PRKCI: variants seen among roughly 807,000 people sequenced by gnomAD.
PRKCI encodes protein kinase C iota.
A neutral mutation model predicts 84.0 loss-of-function variants in PRKCI; 43 were observed. The ratio of observed to expected loss-of-function variants is 0.51; its 90% CI spans 0.40 to 0.66. PRKCI has a LOEUF of 0.66. PRKCI is among the 30% of genes least tolerant of loss of function. PRKCI has a pLI of 0.00. For missense variants in PRKCI, 459 were observed against 745.6 expected, an observed-to-expected ratio of 0.62 and a Z score of 4.48; for synonymous variants, 216 against 234.4, an observed-to-expected ratio of 0.92 and a Z score of 0.72.
intron 1 of PRKCI, 134 bp from the exon 2 acceptor site, chr3:170,235,095 TC>T (rs139611494): frequency 0.02 from 17,981 of 915,116 alleles, 293 homozygotes; most frequent in East Asian, 0.078. Context: ...TTGAATGAAA[TC>T]ATTTACTGAA....
At chr3:170,302,309 A>G (rs1304974436) in intron 17 of PRKCI, among the ~76,000 whole-genome samples, 1 of 152,170 alleles carries the variant, frequency 6.6e-6, no homozygotes, top group Non-Finnish European at 1.5e-5. Flanking sequence ...TTCTCCAACT[A>G]GAAGTCACAC....
intron 2 of PRKCI, among the ~76,000 whole-genome samples, chr3:170,253,142 A>G (rs572560620): frequency 6.6e-6 from 1 of 152,210 alleles, no homozygotes; most frequent in Non-Finnish European, 1.5e-5. Context: ...TAGTGCTGCA[A>G]TAAATATGGG....
intron 2 of PRKCI, among the ~76,000 whole-genome samples, chr3:170,249,798 GA>G (rs569129627): frequency 0.021 from 1,800 of 84,902 alleles, 28 homozygotes; most frequent in African/African-American, 0.066. Flanking sequence ...CTCTGTCTCA[GA>G]AAAAAAAAAA....
chr3:170,229,070 G>C (rs1732715116), intron 1 of PRKCI, among the ~76,000 whole-genome samples: 1 of 151,856 alleles, frequency 6.6e-6, no homozygotes, highest in African/African-American at 2.4e-5. Context: ...TTTTATGGCT[G>C]TCTCACTCCC....
chr3:170,298,262 A>G (rs1324017938), intron 16 of PRKCI, among the ~76,000 whole-genome samples: 1 of 151,830 alleles, frequency 6.6e-6, no homozygotes, highest in African/African-American at 2.4e-5. Flanking sequence ...TTTTAGGAGA[A>G]ACAGTCTCAG....
intron 11 of PRKCI, among the ~76,000 whole-genome samples, chr3:170,284,075 A>G (rs1269300223): frequency 2.0e-5 from 3 of 151,964 alleles, no homozygotes; most frequent in Admixed American, 1.3e-4. Context: ...GCCTTCTCGG[A>G]GGATCACGGG....
At chr3:170,279,671 T>G (rs896355572) in intron 8 of PRKCI, among the ~76,000 whole-genome samples, 1 of 152,250 alleles carries the variant, frequency 6.6e-6, no homozygotes, top group African/African-American at 2.4e-5. Context: ...AACTACTTCA[T>G]GCTTGTTTTC....
chr3:170,261,457 T>A (rs868516626), intron 3 of PRKCI, among the ~76,000 whole-genome samples: 2 of 136,116 alleles, frequency 1.5e-5, no homozygotes, highest in African/African-American at 3.6e-5. Flanking sequence ...GTGTTTTTTT[T>A]TTAAAAAAAA....
chr3:170,263,484 G>C, intron 4 of PRKCI, 55 bp downstream of exon 4: 1 of 1,440,158 alleles, frequency 6.9e-7, no homozygotes, highest in Non-Finnish European at 9.7e-7. Flanking sequence ...TATGGTACAA[G>C]TGAAAAAGAA....
At chr3:170,235,109 C>A in intron 1 of PRKCI, 121 bp from the exon 2 acceptor site, 1 of 999,926 alleles carries the variant, frequency 1.0e-6, no homozygotes, top group Non-Finnish European at 1.5e-6. Flanking sequence ...TTACTGAAAG[C>A]AATACATGTT....
chr3:170,286,745 T>C (rs1053508524), intron 12 of PRKCI, among the ~76,000 whole-genome samples: 7 of 151,860 alleles, frequency 4.6e-5, no homozygotes, highest in Non-Finnish European at 7.4e-5. Context: ...AAACTTTTAT[T>C]GTAGTTTATG....
At chr3:170,249,426 C>T (rs76089377) in intron 2 of PRKCI, among the ~76,000 whole-genome samples, 3,193 of 151,892 alleles carry the variant, frequency 0.021, 52 homozygotes, top group East Asian at 0.085. Context: ...TGCGTGTGTG[C>T]GTTTATGTGT....
chr3:170,231,545 A>G (rs888937752), intron 1 of PRKCI, among the ~76,000 whole-genome samples: 4 of 151,716 alleles, frequency 2.6e-5, no homozygotes, highest in African/African-American at 7.3e-5. Context: ...GCTCACTGCA[A>G]CCTCCGCGTC....
chr3:170,228,616 T>C (rs9883935), intron 1 of PRKCI, among the ~76,000 whole-genome samples: 2,835 of 147,326 alleles, frequency 0.019, 49 homozygotes, highest in East Asian at 0.063. Flanking sequence ...TATATATATA[T>C]ACACACACAC....
chr3:170,266,893 C>T (rs112003964), intron 4 of PRKCI, among the ~76,000 whole-genome samples: 11,559 of 152,008 alleles, frequency 0.076, 581 homozygotes, highest in East Asian at 0.21. Context: ...CTCGGGTGGC[C>T]GAGGCAGGAG....
chr3:170,303,557 C>A lies in PRKCI; in HGVS notation c.*430C>A, dbSNP rs375283300. On this transcript the variant is annotated 3_prime_UTR_variant, in exon 18 of 18. Coordinates refer to ENST00000295797, the MANE Select transcript of PRKCI (RefSeq NM_002740.6). ...AATAAAAGATTAATATAAAATGCAA[C>A]AACTTTTTATATTACCTATTAGTTT... 7.8e-4 allele frequency: 179 copies of A among 230,044 alleles called. 1 individual carries two copies. The East Asian group carries it at 9.6e-3, about 12-fold the overall frequency. 14.3% of individuals were successfully genotyped at this position (230,044 alleles called of 1,614,324 possible).
At chr3:170,259,516 A>G (rs1166664049) in intron 2 of PRKCI, among the ~76,000 whole-genome samples, 1 of 151,988 alleles carries the variant, frequency 6.6e-6, no homozygotes, top group Admixed American at 6.6e-5. Context: ...ATATCTAAAT[A>G]TTTGTCCTTA....
intron 12 of PRKCI, among the ~76,000 whole-genome samples, chr3:170,288,112 G>A (rs1734445476): frequency 6.6e-6 from 1 of 151,752 alleles, no homozygotes; most frequent in South Asian, 2.1e-4. Flanking sequence ...CAGGCGTGGT[G>A]GCGGACGCCT....
At chr3:170,285,266 A>G (rs1163458062) in intron 12 of PRKCI, among the ~76,000 whole-genome samples, 2 of 151,916 alleles carry the variant, frequency 1.3e-5, no homozygotes, top group Non-Finnish European at 2.9e-5. Flanking sequence ...TTTTTAGAAG[A>G]GACGGGGTTT....
Sources: gnomAD v4.1 joint callset for allele counts (sites outside exome capture counted in the v4.1 genomes callset) on GRCh38, gnomAD v4.1.1 for gene constraint, MANE v1.5 for transcripts, NCBI Gene and HGNC (gene_info 2026-07-23, HGNC 2026-07-21) for gene names.